SORL1: variants seen among roughly 807,000 people sequenced by gnomAD.
SORL1 encodes sortilin-related receptor.
SORL1 carries 127 observed loss-of-function variants against 273.7 expected under a neutral mutation model. The ratio of observed to expected loss-of-function variants is 0.46; its 90% CI spans 0.40 to 0.54. The LOEUF is 0.54. Among genes scored for constraint, SORL1 ranks in the 20% least tolerant of loss-of-function variants. SORL1 has a pLI of 0.00. For missense variants in SORL1, 2,494 were observed against 2,846.1 expected (o/e 0.88, Z 2.81); for synonymous variants, 1,031 against 1,067.4 (o/e 0.97, Z 0.66).
At chr11:121,622,577 G>A (rs1863738923) in intron 45 of SORL1, among the ~76,000 whole-genome samples, 2 of 152,210 alleles carry the variant, frequency 1.3e-5, no homozygotes, top group Non-Finnish European at 2.9e-5. Context: ...CTGCAGCTGG[G>A]CTGGGGCTCA....
Position 121,632,261 on chromosome 11 carries a change from C to T in SORL1, c.*2698C>T, listed in dbSNP as rs928504804. The T allele has an allele frequency of 6.6e-5, 10 of 152,016 alleles. No homozygotes were observed. The highest frequency in any genetic ancestry group is 2.4e-4 in the African/African-American group (10 of 41,382). The allele number at this position is 152,016 out of a possible 1,614,324, so 9.4% of individuals were successfully genotyped here. A position where few individuals can be genotyped will look rare whatever the true frequency, so the allele number is the denominator to read the frequency against. ...TTGCTTATGAGTTTTCTCTGGAAAC[C>T]GATTTTACTCCTGGATGTATTGAAT... is the stretch of plus-strand genomic sequence containing the variant. On this transcript the variant is annotated 3_prime_UTR_variant, in exon 48 of 48. Transcript: ENST00000260197.
At chr11:121,582,098 G>A (rs998598306) in intron 25 of SORL1, among the ~76,000 whole-genome samples, 1 of 152,236 alleles carries the variant, frequency 6.6e-6, no homozygotes, top group Non-Finnish European at 1.5e-5. Context: ...GTATATACAT[G>A]CTGCCAAATA....
chr11:121,605,363 G>C, intron 34 of SORL1, 39 bp from the exon 35 acceptor site: 1 of 1,595,508 alleles, frequency 6.3e-7, no homozygotes, highest in Non-Finnish European at 8.6e-7. Context: ...CCCCCATGCT[G>C]CTCCAGTGTG....
At chr11:121,512,657 T>C (rs1428522995) in intron 6 of SORL1, among the ~76,000 whole-genome samples, 2 of 152,214 alleles carry the variant, frequency 1.3e-5, no homozygotes, top group Admixed American at 1.3e-4. Context: ...TCCCTGCGTG[T>C]TTCTTCAGCC....
At chr11:121,495,750 A>G (rs1861619983) in intron 5 of SORL1, among the ~76,000 whole-genome samples, 2 of 152,148 alleles carry the variant, frequency 1.3e-5, no homozygotes, top group Non-Finnish European at 2.9e-5. Flanking sequence ...ACTGGCTCAG[A>G]AGTTCTTCTC....
intron 1 of SORL1, among the ~76,000 whole-genome samples, chr11:121,457,673 C>G (rs575926332): frequency 6.6e-6 from 1 of 152,172 alleles, no homozygotes; most frequent in Non-Finnish European, 1.5e-5. Context: ...TCACTTCAAG[C>G]GTTCTTGCAG....
chr11:121,473,267 C>T (rs920526801), intron 2 of SORL1, among the ~76,000 whole-genome samples: 4 of 152,218 alleles, frequency 2.6e-5, no homozygotes, highest in South Asian at 4.2e-4. Context: ...TGTTGGTGAG[C>T]GGCCAAAGTC....
intron 6 of SORL1, among the ~76,000 whole-genome samples, chr11:121,511,304 A>G (rs976298192): frequency 2.0e-5 from 3 of 152,166 alleles, no homozygotes; most frequent in Non-Finnish European, 4.4e-5. Context: ...TTAACTAATG[A>G]TGGGCCTGGG....
At chr11:121,604,375 G>C in intron 33 of SORL1, 51 bp downstream of exon 33, 2 of 1,597,352 alleles carry the variant, frequency 1.3e-6, no homozygotes, top group Non-Finnish European at 1.7e-6. Flanking sequence ...TGGGAGGCTC[G>C]CTTACCCCAG....
intron 38 of SORL1, 35 bp from the exon 39 acceptor site, chr11:121,611,041 G>A (rs759393645): frequency 1.1e-5 from 16 of 1,458,004 alleles, no homozygotes; most frequent in African/African-American, 8.4e-5. Context: ...TTTTCATCAC[G>A]TGGCTTCTGT....
intron 12 of SORL1, 76 bp downstream of exon 12, chr11:121,532,628 T>C: frequency 8.3e-7 from 1 of 1,204,822 alleles, no homozygotes; most frequent in Non-Finnish European, 1.2e-6. Flanking sequence ...AATTGGATTA[T>C]CTCTCTATAG....
intron 5 of SORL1, among the ~76,000 whole-genome samples, chr11:121,495,449 G>C (rs1861615294): frequency 6.6e-6 from 1 of 152,000 alleles, no homozygotes; most frequent in Non-Finnish European, 1.5e-5. Context: ...GGGGTGGGGG[G>C]AATATGCTCT....
intron 21 of SORL1, among the ~76,000 whole-genome samples, chr11:121,562,688 G>A (rs772970840): frequency 5.9e-5 from 9 of 152,160 alleles, no homozygotes; most frequent in Non-Finnish European, 1.2e-4. Flanking sequence ...AGTGATTCCA[G>A]TAATTTGGAT....
intron 3 of SORL1, among the ~76,000 whole-genome samples, chr11:121,482,357 G>A (rs1050703129): frequency 2.8e-4 from 42 of 152,174 alleles, no homozygotes; most frequent in African/African-American, 9.4e-4. Flanking sequence ...GATTCTCATG[G>A]GTGGATATTC....
intron 16 of SORL1, among the ~76,000 whole-genome samples, chr11:121,553,029 C>T (rs1290368013): frequency 6.6e-6 from 1 of 152,194 alleles, no homozygotes; most frequent in Non-Finnish European, 1.5e-5. Context: ...TAAGTATCTT[C>T]AGCACTCAGG....
Position 121,608,482 on chromosome 11 carries a change from C to G in SORL1, c.5239+306C>G, listed in dbSNP as rs181414942. Reference sequence around the variant, plus strand: ...TCAAAATATCTAAAATAGAAGGAGTCCTTCCTTCTCACCAAAGCTGAAGAT... The same window carrying G: ...TCAAAATATCTAAAATAGAAGGAGTGCTTCCTTCTCACCAAAGCTGAAGAT... On this transcript the variant is annotated intron_variant, in intron 38 of 47. Transcript: ENST00000260197. The G allele has an allele frequency of 1.9e-3, 586 of 304,152 alleles. 2 individuals carry two copies. The highest frequency in any genetic ancestry group is 3.1e-3 in the Non-Finnish European group (515 of 164,414). The allele number at this position is 304,152 out of a possible 1,614,324, so 18.8% of individuals were successfully genotyped here. A position where few individuals can be genotyped will look rare whatever the true frequency, so the allele number is the denominator to read the frequency against.
intron 24 of SORL1, among the ~76,000 whole-genome samples, chr11:121,575,296 A>G (rs368487613): frequency 8.5e-5 from 13 of 152,358 alleles, no homozygotes; most frequent in Middle Eastern, 3.4e-3. Flanking sequence ...CTTAGTTAAC[A>G]GTCCCTGGTC....
At chr11:121,589,770 A>G (rs770725997) in intron 29 of SORL1, among the ~76,000 whole-genome samples, 12 of 152,214 alleles carry the variant, frequency 7.9e-5, no homozygotes, top group Non-Finnish European at 1.6e-4. Flanking sequence ...CCTTTGGTAA[A>G]ATGTCAGAAT....
At position 121,596,494 on chromosome 11, in the gene SORL1, G is replaced by A. The variant is rs1323827828; in HGVS notation, c.4519+722G>A. Among the ~76,000 whole-genome samples the A allele has an allele frequency of 6.6e-6, 1 of 152,214 alleles. No individual in the cohort carries two copies. Among genetic ancestry groups the A allele is most frequent in the African/African-American group, 2.4e-5 (1 of 41,460 alleles). On this transcript the variant is annotated intron_variant, in intron 32 of 47. Transcript: ENST00000260197. This position sits in a 1 kb window ranked among gnomAD's most constrained non-coding sequence, Gnocchi z 4.3. ...CCGCCGTTGGCTGGTCTGTCCTACT[G>A]TAGCAGACTTGGGAGGGCATGGCTG...
Sources: allele counts gnomAD v4.1 joint callset (sites outside exome capture counted in the v4.1 genomes callset), GRCh38; gene constraint gnomAD v4.1.1; non-coding constraint Gnocchi (gnomAD v3.1); transcripts MANE v1.5; gene names NCBI Gene and HGNC (gene_info 2026-07-23, HGNC 2026-07-21).